The following PTPRO variants were observed in gnomAD, a reference collection of about 807,000 sequenced individuals.
The protein encoded by PTPRO is protein tyrosine phosphatase receptor type O, also known as receptor-type tyrosine-protein phosphatase O.
PTPRO carries 62 observed loss-of-function variants against 145.2 expected under a neutral mutation model. The observed-to-expected ratio is 0.43, with a 90% CI of 0.35 to 0.53. The LOEUF is 0.53. PTPRO is among the 20% of genes least tolerant of loss of function. The probability of loss-of-function intolerance (pLI) is 0.01; values close to 1 mark genes in which losing one functional copy is unlikely to be tolerated. For synonymous variants in PTPRO, 565 were observed against 514.7 expected, an observed-to-expected ratio of 1.10 and a Z score of -1.32; for missense variants, 1,345 against 1,482.7, an observed-to-expected ratio of 0.91 and a Z score of 1.53.
chr12:15,384,820 G>C (rs550433916), intron 1 of PTPRO, among the ~76,000 whole-genome samples: 1 of 152,070 alleles, frequency 6.6e-6, no homozygotes, highest in East Asian at 1.9e-4. Flanking sequence ...ATATTTCTGC[G>C]TGCAAAAAAT....
At chr12:15,394,747 T>C (rs1387881915) in intron 1 of PTPRO, among the ~76,000 whole-genome samples, 1 of 152,228 alleles carries the variant, frequency 6.6e-6, no homozygotes, top group Non-Finnish European at 1.5e-5. Flanking sequence ...TGCTGCTTCA[T>C]AATCAGGTAG....
chr12:15,534,439 T>C (rs1479638152), intron 12 of PTPRO, among the ~76,000 whole-genome samples: 1 of 152,206 alleles, frequency 6.6e-6, no homozygotes, highest in Non-Finnish European at 1.5e-5. Context: ...AGAGTACTTG[T>C]GGTAGTCGTG....
At chr12:15,517,189 T>A (rs1449760393) in intron 9 of PTPRO, 1 of 569,304 alleles carries the variant, frequency 1.8e-6, no homozygotes, top group Non-Finnish European at 3.1e-6. Flanking sequence ...CTCACAATCA[T>A]GACAGAAGGC....
chr12:15,447,737 G>C (rs896137872), intron 1 of PTPRO, among the ~76,000 whole-genome samples: 1 of 120,560 alleles, frequency 8.3e-6, no homozygotes, highest in Non-Finnish European at 1.8e-5. Flanking sequence ...ATCGATGTGA[G>C]TGGGTTGCAT....
At chr12:15,557,587 A>G (rs1943668679) in intron 16 of PTPRO, 64 bp downstream of exon 16, 1 of 1,448,960 alleles carries the variant, frequency 6.9e-7, no homozygotes, top group African/African-American at 1.4e-5. Context: ...TCCAAAGTCG[A>G]TTTTACTATC....
intron 8 of PTPRO, 137 bp downstream of exon 8, chr12:15,515,755 T>A: frequency 8.6e-7 from 1 of 1,166,260 alleles, no homozygotes; most frequent in Non-Finnish European, 1.3e-6. Context: ...ACCTTCAGAG[T>A]AATAAATAAC....
chr12:15,493,114 A>G (rs1942032686), intron 2 of PTPRO, among the ~76,000 whole-genome samples: 2 of 152,198 alleles, frequency 1.3e-5, no homozygotes, highest in South Asian at 2.1e-4. Context: ...AAAGCGAAGT[A>G]TCTACAAAGG....
At chr12:15,423,986 C>T (rs1012482605) in intron 1 of PTPRO, among the ~76,000 whole-genome samples, 2 of 152,252 alleles carry the variant, frequency 1.3e-5, no homozygotes, top group Admixed American at 6.5e-5. Context: ...AAATAAAATT[C>T]GTTAGCCTTT....
intron 17 of PTPRO, among the ~76,000 whole-genome samples, chr12:15,564,106 C>G (rs1354223506): frequency 1.3e-5 from 2 of 152,074 alleles, no homozygotes; most frequent in Non-Finnish European, 2.9e-5. Context: ...AAAAACTGGA[C>G]TGATTTTTCC....
intron 23 of PTPRO, among the ~76,000 whole-genome samples, 199 bp downstream of exon 23, chr12:15,582,000 T>C (rs996929945): frequency 2.0e-5 from 3 of 152,218 alleles, no homozygotes; most frequent in Non-Finnish European, 2.9e-5. Context: ...CACATATTTA[T>C]TGACAGCAAG....
At chr12:15,330,633 C>A (rs906180181) in intron 1 of PTPRO, among the ~76,000 whole-genome samples, 1 of 152,210 alleles carries the variant, frequency 6.6e-6, no homozygotes, top group African/African-American at 2.4e-5. Context: ...CTAGCCTCCA[C>A]CCTGGCCAGC....
At chr12:15,330,459 T>C (rs536249565) in intron 1 of PTPRO, among the ~76,000 whole-genome samples, 69 of 152,278 alleles carry the variant, frequency 4.5e-4, no homozygotes, top group African/African-American at 1.5e-3. Flanking sequence ...AGTCTGCTCT[T>C]GAGATCAACT....
At chr12:15,569,607 G>A (rs917063516) in intron 19 of PTPRO, 109 bp downstream of exon 19, 2 of 989,514 alleles carry the variant, frequency 2.0e-6, no homozygotes, top group Non-Finnish European at 3.2e-6. Context: ...AACAAAAAGG[G>A]TATTGGCCTG....
chr12:15,515,452 T>G, intron 7 of PTPRO, 46 bp from the exon 8 acceptor site: 1 of 1,609,190 alleles, frequency 6.2e-7, no homozygotes, highest in Non-Finnish European at 8.5e-7. Flanking sequence ...TGTAACATTC[T>G]GAAATCCCAG....
intron 1 of PTPRO, among the ~76,000 whole-genome samples, chr12:15,427,264 T>C (rs933820573): frequency 6.6e-6 from 1 of 152,060 alleles, no homozygotes. Context: ...ATTAAATGTA[T>C]ATATTTTTGT....
At chr12:15,435,444 T>G (rs1940568049) in intron 1 of PTPRO, among the ~76,000 whole-genome samples, 1 of 152,200 alleles carries the variant, frequency 6.6e-6, no homozygotes, top group South Asian at 2.1e-4. Flanking sequence ...ATAACTTATT[T>G]ATTAATGTCA....
chr12:15,507,596 C>T (rs1942349867), intron 6 of PTPRO, among the ~76,000 whole-genome samples: 1 of 152,214 alleles, frequency 6.6e-6, no homozygotes, highest in Non-Finnish European at 1.5e-5. Flanking sequence ...CCCAAGAGAA[C>T]TACGGTAGCA....
chr12:15,549,572 A>T (rs1378164621), intron 14 of PTPRO, among the ~76,000 whole-genome samples: 1 of 152,182 alleles, frequency 6.6e-6, no homozygotes, highest in Non-Finnish European at 1.5e-5. Context: ...ATCCAATTTC[A>T]TCTATTTAGC....
chr12:15,554,115 C>T (rs1218883833), intron 15 of PTPRO, among the ~76,000 whole-genome samples: 1 of 152,020 alleles, frequency 6.6e-6, no homozygotes, highest in Non-Finnish European at 1.5e-5. Flanking sequence ...GCAGAGGTTG[C>T]GATGAGCCGA....
Sources: allele counts gnomAD v4.1 joint callset (sites outside exome capture counted in the v4.1 genomes callset), GRCh38; gene constraint gnomAD v4.1.1; transcripts MANE v1.5; gene names NCBI Gene and HGNC (gene_info 2026-07-23, HGNC 2026-07-21).